Variants in RAB30 observed in about 807,000 individuals in gnomAD.
RAB30 encodes RAB30, member RAS oncogene family, also known as ras-related protein Rab-30.
In RAB30, 9 loss-of-function variants were observed where a neutral mutation model predicts 25.1. That is an observed-to-expected ratio of 0.36 (90% confidence interval 0.22 to 0.63). The LOEUF (loss-of-function observed/expected upper bound fraction) is 0.63. Among genes scored for constraint, RAB30 ranks in the 20% least tolerant of loss-of-function variants. RAB30 has a pLI of 0.69. For synonymous variants in RAB30, 77 were observed against 86.4 expected (o/e 0.89, Z 0.60); for missense variants, 140 against 243.5 (o/e 0.58, Z 2.83).
At chr11:83,057,723 T>C (rs532477788) in intron 1 of RAB30, among the ~76,000 whole-genome samples, 4 of 152,366 alleles carry the variant, frequency 2.6e-5, no homozygotes, top group Admixed American at 2.6e-4. Context: ...TGAGATGATT[T>C]GTTAAGTGGA....
At chr11:83,050,034 G>C (rs1038155699) in intron 1 of RAB30, among the ~76,000 whole-genome samples, 10 of 152,104 alleles carry the variant, frequency 6.6e-5, no homozygotes, top group Admixed American at 6.6e-4. Flanking sequence ...ACAGTGGGAG[G>C]ATCACTTGAG....
intron 1 of RAB30, among the ~76,000 whole-genome samples, chr11:83,027,164 A>G (rs1424385373): frequency 1.3e-5 from 2 of 152,184 alleles, no homozygotes; most frequent in Non-Finnish European, 2.9e-5. Flanking sequence ...GGATTGCGGG[A>G]TACAAAGCAA....
intron 1 of RAB30, among the ~76,000 whole-genome samples, chr11:83,044,940 C>T (rs1324105193): frequency 3.3e-5 from 5 of 152,224 alleles, no homozygotes; most frequent in Non-Finnish European, 7.3e-5. Flanking sequence ...ACCAAGCAGG[C>T]TATCAGGTCT....
intron 1 of RAB30, among the ~76,000 whole-genome samples, chr11:83,050,099 A>C (rs1354618938): frequency 2.0e-5 from 3 of 152,026 alleles, no homozygotes; most frequent in Non-Finnish European, 2.9e-5. Flanking sequence ...CTCTAACAAA[A>C]ATAAAAAATT....
intron 1 of RAB30, among the ~76,000 whole-genome samples, chr11:83,062,664 A>G (rs747607278): frequency 2.0e-5 from 3 of 152,166 alleles, no homozygotes; most frequent in African/African-American, 7.2e-5. Context: ...TATACACAAC[A>G]TCTCCTTTGA....
At chr11:82,997,535 A>G (rs1856984582) in intron 1 of RAB30, 1 of 510,008 alleles carries the variant, frequency 2.0e-6, no homozygotes, top group Non-Finnish European at 3.5e-6. Context: ...CATGCCACAG[A>G]GAATAAATGA....
intron 1 of RAB30, among the ~76,000 whole-genome samples, chr11:83,068,494 C>G (rs1334479324): frequency 6.6e-6 from 1 of 152,020 alleles, no homozygotes; most frequent in Non-Finnish European, 1.5e-5. Context: ...CTACATATGC[C>G]ATTCATCTAG....
chr11:83,004,617 T>C (rs1857148910), intron 1 of RAB30, among the ~76,000 whole-genome samples: 1 of 152,042 alleles, frequency 6.6e-6, no homozygotes, highest in South Asian at 2.1e-4. Context: ...CTCTGGAGGG[T>C]GGGTTCAGAC....
chr11:83,000,106 G>A (rs1857045422), intron 1 of RAB30, among the ~76,000 whole-genome samples: 1 of 152,088 alleles, frequency 6.6e-6, no homozygotes, highest in African/African-American at 2.4e-5. Context: ...TCCTAATTTG[G>A]TAGAGGGGGC....
chr11:82,993,710 T>C (rs1305489229), intron 3 of RAB30, among the ~76,000 whole-genome samples: 4 of 152,240 alleles, frequency 2.6e-5, no homozygotes, highest in Non-Finnish European at 5.9e-5. Flanking sequence ...GGCTGCTGTT[T>C]AGAGGAGGTA....
At chr11:83,009,420 A>T (rs1385751595) in intron 1 of RAB30, among the ~76,000 whole-genome samples, 1 of 152,188 alleles carries the variant, frequency 6.6e-6, no homozygotes, top group Non-Finnish European at 1.5e-5. Flanking sequence ...AGAGTTCCAG[A>T]TTTCAAAAAG....
chr11:83,055,505 G>A (rs948546308), intron 1 of RAB30, among the ~76,000 whole-genome samples: 2 of 151,630 alleles, frequency 1.3e-5, no homozygotes, highest in African/African-American at 4.9e-5. Context: ...CTTCTGCTGC[G>A]CAGCCAGATC....
chr11:83,065,741 A>G (rs1270439934), intron 1 of RAB30, among the ~76,000 whole-genome samples: 1 of 152,222 alleles, frequency 6.6e-6, no homozygotes, highest in African/African-American at 2.4e-5. Context: ...ATAATGTTAA[A>G]AACAGCTACC....
chr11:83,068,617 T>C (rs1056712975), intron 1 of RAB30, among the ~76,000 whole-genome samples: 3 of 152,220 alleles, frequency 2.0e-5, no homozygotes, highest in Non-Finnish European at 4.4e-5. Flanking sequence ...AGCCTCATTC[T>C]TCATTCTAGT....
chr11:83,047,395 A>C (rs1283315863), intron 1 of RAB30, among the ~76,000 whole-genome samples: 3 of 152,256 alleles, frequency 2.0e-5, no homozygotes, highest in African/African-American at 7.2e-5. Context: ...ATCTAAACTG[A>C]TCATCTTAAT....
At chr11:83,007,870 T>C (rs1440840826) in intron 1 of RAB30, among the ~76,000 whole-genome samples, 2 of 152,146 alleles carry the variant, frequency 1.3e-5, no homozygotes, top group African/African-American at 4.8e-5. Context: ...CTGCAAAACA[T>C]GTTTGTTAAA....
At chr11:83,051,037 C>G (rs899409428) in intron 1 of RAB30, among the ~76,000 whole-genome samples, 2 of 152,188 alleles carry the variant, frequency 1.3e-5, no homozygotes, top group African/African-American at 4.8e-5. Flanking sequence ...TCAGTTGTTA[C>G]TGGGTCACAA....
chr11:83,040,415 A>T (rs1858081425), intron 1 of RAB30, among the ~76,000 whole-genome samples: 1 of 152,074 alleles, frequency 6.6e-6, no homozygotes, highest in African/African-American at 2.4e-5. Context: ...AACATGGAGA[A>T]AGCCCATCTC....
chr11:83,023,566 G>A (rs553239943), intron 1 of RAB30, among the ~76,000 whole-genome samples: 3 of 152,238 alleles, frequency 2.0e-5, no homozygotes, highest in African/African-American at 7.2e-5. Context: ...CCAGTGCTGA[G>A]AGCCCCAGCT....
Sources: allele counts gnomAD v4.1 joint callset (sites outside exome capture counted in the v4.1 genomes callset), GRCh38; gene constraint gnomAD v4.1.1; transcripts MANE v1.5; gene names NCBI Gene and HGNC (gene_info 2026-07-23, HGNC 2026-07-21).